Variants in CDKAL1 observed in about 807,000 individuals in gnomAD.
CDKAL1 encodes the protein CDKAL1 threonylcarbamoyladenosine tRNA methylthiotransferase.
In CDKAL1, 32 loss-of-function variants were observed where a neutral mutation model predicts 68.2. The ratio of observed to expected loss-of-function variants is 0.47; its 90% CI spans 0.35 to 0.63. The LOEUF (loss-of-function observed/expected upper bound fraction) is 0.63. CDKAL1 is among the 30% of genes least tolerant of loss of function. The pLI is 0.00. For missense variants in CDKAL1, 606 were observed against 696.7 expected (o/e 0.87, Z 1.47); for synonymous variants, 234 against 244.3 (o/e 0.96, Z 0.39).
intron 11 of CDKAL1, among the ~76,000 whole-genome samples, chr6:21,032,099 G>A (rs894655555): frequency 1.3e-5 from 2 of 152,042 alleles, no homozygotes; most frequent in Non-Finnish European, 2.9e-5. Flanking sequence ...ACCAACCCAT[G>A]GATCTTTGGC....
chr6:20,641,790 C>A (rs1293726664), intron 4 of CDKAL1, among the ~76,000 whole-genome samples: 2 of 152,102 alleles, frequency 1.3e-5, no homozygotes, highest in African/African-American at 4.8e-5. Context: ...TGTCAATAAT[C>A]TTCAATGAGA....
At chr6:21,082,992 G>A (rs955788243) in intron 12 of CDKAL1, among the ~76,000 whole-genome samples, 4 of 149,634 alleles carry the variant, frequency 2.7e-5, no homozygotes, top group Non-Finnish European at 4.4e-5. Context: ...TCCCACCTCA[G>A]CCTCCCAAGT....
At position 20,881,899 on chromosome 6, in the gene CDKAL1, G is replaced by A. The variant is rs1044387701; in HGVS notation, c.742+35721G>A. Among the ~76,000 whole-genome samples, 8 of 152,152 alleles carry A rather than the reference G, an allele frequency of 5.3e-5. No homozygotes were observed. In the East Asian group the frequency reaches 1.2e-3, roughly 22 times the overall value. ...TCAAGATACAGAACAGTTACACCAC[G>A]TACCAAAATTTTCTCCTTTTCCCTT... On this transcript the variant is annotated intron_variant, in intron 9 of 15. Coordinates refer to ENST00000274695, the MANE Select transcript of CDKAL1 (RefSeq NM_017774.3).
chr6:21,217,453 C>T (rs1157716081), intron 15 of CDKAL1, among the ~76,000 whole-genome samples: 1 of 150,998 alleles, frequency 6.6e-6, no homozygotes, highest in African/African-American at 2.4e-5. Context: ...CACCACCATA[C>T]CCAGCTAAGT....
chr6:21,087,406 C>T (rs1772753890), intron 12 of CDKAL1, among the ~76,000 whole-genome samples: 1 of 152,102 alleles, frequency 6.6e-6, no homozygotes, highest in Admixed American at 6.5e-5. Context: ...AACACAGCTC[C>T]CTGCAGCCTC....
intron 11 of CDKAL1, among the ~76,000 whole-genome samples, chr6:21,034,031 A>C (rs1014230077): frequency 6.6e-6 from 1 of 152,170 alleles, no homozygotes; most frequent in East Asian, 1.9e-4. Context: ...TCTGCAAAGG[A>C]AAATATCTGG....
At chr6:21,173,832 G>A (rs1271357167) in intron 13 of CDKAL1, among the ~76,000 whole-genome samples, 1 of 152,222 alleles carries the variant, frequency 6.6e-6, no homozygotes, top group African/African-American at 2.4e-5. Context: ...CACTTTGGGA[G>A]GCTGAGGCAA....
At chr6:20,920,694 ATTGT>A (rs1420915625) in intron 9 of CDKAL1, among the ~76,000 whole-genome samples, 1 of 152,212 alleles carries the variant, frequency 6.6e-6, no homozygotes, top group African/African-American at 2.4e-5. Flanking sequence ...TAATTTTCTA[ATTGT>A]TTGTGGGCTG....
At chr6:21,205,645 C>A (rs1165294657) in intron 15 of CDKAL1, among the ~76,000 whole-genome samples, 2 of 150,998 alleles carry the variant, frequency 1.3e-5, no homozygotes, top group Non-Finnish European at 2.9e-5. Flanking sequence ...ATTCTCCTGC[C>A]GCAGCCTCCC....
intron 8 of CDKAL1, among the ~76,000 whole-genome samples, chr6:20,823,298 T>G (rs1221117561): frequency 6.6e-6 from 1 of 152,162 alleles, no homozygotes; most frequent in Non-Finnish European, 1.5e-5. Flanking sequence ...CATGTTTCCT[T>G]ACAGTTACCT....
At chr6:20,559,220 T>A (rs1764176735) in intron 4 of CDKAL1, 1 of 152,186 alleles carries the variant, frequency 6.6e-6, no homozygotes, top group South Asian at 2.1e-4. Flanking sequence ...AACCTTAAAA[T>A]TTTTTTAAGC....
intron 4 of CDKAL1, among the ~76,000 whole-genome samples, chr6:20,607,588 G>A (rs1157939063): frequency 6.6e-6 from 1 of 151,916 alleles, no homozygotes; most frequent in African/African-American, 2.4e-5. Context: ...GGGATTTATA[G>A]GAATAGAATA....
Position 20,884,914 on chromosome 6 carries a change from C to G in CDKAL1, c.742+38736C>G, listed in dbSNP as rs141290001. On this transcript the variant is annotated intron_variant, in intron 9 of 15. Coordinates refer to ENST00000274695, the MANE Select transcript of CDKAL1 (RefSeq NM_017774.3). The stretch of plus-strand genomic sequence containing the variant: ...GGCTGAAGCAGGAGAATCACTTGAG[C>G]CTGAAAGTTTGAGACCACCCTGAGC... 3.1e-3 allele frequency among the ~76,000 whole-genome samples: 470 copies of G among 151,872 alleles called. 2 individuals carry two copies. Among genetic ancestry groups the G allele is most frequent in the African/African-American group, 8.7e-3 (359 of 41,416 alleles).
intron 12 of CDKAL1, 93 bp from the exon 13 acceptor site, chr6:21,108,308 T>C: frequency 1.4e-6 from 1 of 725,722 alleles, no homozygotes; most frequent in Non-Finnish European, 2.3e-6. Flanking sequence ...ACTTTATGTA[T>C]GTAGAGATAT....
intron 5 of CDKAL1, among the ~76,000 whole-genome samples, chr6:20,656,767 G>A (rs935893688): frequency 2.0e-5 from 3 of 152,128 alleles, no homozygotes; most frequent in Non-Finnish European, 2.9e-5. Flanking sequence ...GAATGATTAA[G>A]TAGAAATGGC....
At chr6:21,166,005 A>C (rs1028410800) in intron 13 of CDKAL1, among the ~76,000 whole-genome samples, 7 of 152,166 alleles carry the variant, frequency 4.6e-5, no homozygotes. Flanking sequence ...TAACCATTCT[A>C]TGCTGTAGTT....
intron 11 of CDKAL1, among the ~76,000 whole-genome samples, chr6:21,022,678 G>C (rs1768732681): frequency 6.6e-6 from 1 of 152,158 alleles, no homozygotes; most frequent in Non-Finnish European, 1.5e-5. Context: ...CCACGGCCTG[G>C]CTGGGAGGCT....
intron 13 of CDKAL1, among the ~76,000 whole-genome samples, chr6:21,139,250 A>G (rs1240060841): frequency 6.6e-6 from 1 of 152,170 alleles, no homozygotes; most frequent in Non-Finnish European, 1.5e-5. Context: ...CTTCTGACCC[A>G]CAAAGAGATC....
chr6:20,712,503 AG>A (rs777641383), intron 5 of CDKAL1, among the ~76,000 whole-genome samples: 4 of 150,344 alleles, frequency 2.7e-5, no homozygotes, highest in Non-Finnish European at 5.9e-5. Flanking sequence ...TTGATGTGTT[AG>A]AAAAAAAAAA....
Sources: allele counts gnomAD v4.1 joint callset (sites outside exome capture counted in the v4.1 genomes callset), GRCh38; gene constraint gnomAD v4.1.1; transcripts MANE v1.5; gene names NCBI Gene and HGNC (gene_info 2026-07-23, HGNC 2026-07-21).